CNIH3: variants seen among roughly 807,000 people sequenced by gnomAD.
CNIH3 encodes the protein cornichon family AMPA receptor auxiliary protein 3, also known as protein cornichon homolog 3.
CNIH3 carries 14 observed loss-of-function variants against 24.1 expected under a neutral mutation model. That is an observed-to-expected ratio of 0.58 (90% CI 0.38 to 0.91). The LOEUF is 0.91. CNIH3 is among the 40% of genes least tolerant of loss of function. The probability of loss-of-function intolerance (pLI) is 0.00; values close to 1 mark genes in which losing one functional copy is unlikely to be tolerated. For synonymous variants in CNIH3, 68 were observed against 73.8 expected (o/e 0.92, Z 0.40); for missense variants, 178 against 196.8 (o/e 0.90, Z 0.57).
chr1:224,477,602 T>G (rs954923926), intron 1 of CNIH3, among the ~76,000 whole-genome samples: 5 of 152,258 alleles, frequency 3.3e-5, no homozygotes, highest in African/African-American at 1.2e-4. Flanking sequence ...TGTTTATATT[T>G]TATTATACTG....
chr1:224,517,886 G>A (rs6682205), intron 1 of CNIH3, among the ~76,000 whole-genome samples: 17,987 of 152,198 alleles, frequency 0.12, 1,113 homozygotes, highest in Non-Finnish European at 0.14. Context: ...CCCAGTGGAG[G>A]TGTTAATGCT....
intron 3 of CNIH3, among the ~76,000 whole-genome samples, chr1:224,597,174 CAAAA>C (rs71725215): frequency 6.8e-6 from 1 of 146,886 alleles, no homozygotes; most frequent in African/African-American, 2.5e-5. Flanking sequence ...AACAAACAAA[CAAAA>C]AAAAAAACAA....
Position 224,704,810 on chromosome 1 carries a change from A to T in CNIH3, c.198+19967A>T, listed in dbSNP as rs970547367. 6.6e-6 allele frequency among the ~76,000 whole-genome samples: 1 copy of T among 152,102 alleles called. No individual in the cohort carries two copies. The highest frequency in any genetic ancestry group is 1.5e-5 in the Non-Finnish European group (1 of 68,018). On this transcript the variant is annotated intron_variant, in intron 3 of 5. Transcript: ENST00000272133. The surrounding 1 kb of genome is among the most constrained non-coding windows in gnomAD (Gnocchi z 4.2). The stretch of plus-strand genomic sequence containing the variant: ...TGTTGCTTTTTAAATTCAGGATCCA[A>T]TCAAAAATCACACATTGCACCAGGC...
intron 3 of CNIH3, among the ~76,000 whole-genome samples, chr1:224,551,993 G>A (rs12062991): frequency 0.26 from 39,652 of 150,806 alleles, 6,235 homozygotes; most frequent in African/African-American, 0.44. Flanking sequence ...AATATCACAC[G>A]GGTTGTACTC....
At position 224,674,272 on chromosome 1, in the gene CNIH3, G is replaced by GTTTTTTTTTT. The variant is rs71170028; in HGVS notation, c.82-6660_82-6651dup. Among the ~76,000 whole-genome samples, 40 of 72,070 alleles carry GTTTTTTTTTT rather than the reference G, an allele frequency of 5.6e-4. 1 individual carries two copies. The highest frequency in any genetic ancestry group is 9.7e-4 in the African/African-American group (18 of 18,652). 47.3% of individuals were successfully genotyped at this position (72,070 alleles called of 152,430 possible). Reference sequence around the variant, plus strand: ...AATCGTTTCTTCATCTTCCAGGAAGGTTTTTTTTTTTTTTTTTTTTTTTTT... The same window carrying GTTTTTTTTTT: ...AATCGTTTCTTCATCTTCCAGGAAGGTTTTTTTTTTTTTTTTTTTTTTTTTTTTTTTTTTT... On this transcript the variant is annotated intron_variant, in intron 1 of 5. Transcript: ENST00000272133.
At chr1:224,539,263 C>T (rs1558142530), downstream of CNIH3, among the ~76,000 whole-genome samples, 1 of 152,182 alleles carries the variant, frequency 6.6e-6, no homozygotes, top group Admixed American at 6.5e-5. Flanking sequence ...AGTCGTCTTC[C>T]ATTTCTTGTT....
upstream of CNIH3, among the ~76,000 whole-genome samples, chr1:224,512,354 C>T (rs779345396): frequency 6.6e-5 from 10 of 151,374 alleles, no homozygotes; most frequent in Non-Finnish European, 1.0e-4. Flanking sequence ...TGGTGGTGCA[C>T]GCCTGTAGTT....
In CNIH3 at chr1:224,735,436, GGGACTCTCACCT is replaced by G. The variant is rs570390461; in HGVS notation, c.455+732_455+743del. 2.0e-4 allele frequency among the ~76,000 whole-genome samples: 30 copies of G among 152,106 alleles called. No homozygotes were observed. The East Asian group carries it at 5.8e-3, about 29-fold the overall frequency. On this transcript the variant is annotated intron_variant, in intron 5 of 5. Transcript: ENST00000272133. ...CCTGCTCCTCTTTGGCTCATCTCTG[GGGACTCTCACCT>G]GTCACTTGCGATTCCATCATTACCT...
At chr1:224,496,477 C>CATCA (rs5781371) in intron 1 of CNIH3, among the ~76,000 whole-genome samples, 120,584 of 151,584 alleles carry the variant, frequency 0.8, 48,069 homozygotes, top group Middle Eastern at 0.9. Context: ...AAACTGAAGC[C>CATCA]TCCTGATTTT....
chr1:224,589,373 T>C (rs186295275), downstream of CNIH3, among the ~76,000 whole-genome samples: 390 of 152,274 alleles, frequency 2.6e-3, 1 homozygote, highest in Middle Eastern at 0.027. Context: ...TGAATCAAAA[T>C]AATGGTTTAG....
At chr1:224,434,817 C>T in exon 1 of CNIH3, 1 of 986,180 alleles carries the variant, frequency 1.0e-6, no homozygotes, top group Non-Finnish European at 1.2e-6. Context: ...GCGCTCGCGT[C>T]ACAGGAAATG....
intron 4 of CNIH3, among the ~76,000 whole-genome samples, chr1:224,577,222 G>A (rs6681385): frequency 2.0e-5 from 3 of 151,932 alleles, no homozygotes; most frequent in Non-Finnish European, 4.4e-5. Flanking sequence ...CTAATTAAAC[G>A]AGAAAGCTAC....
At chr1:224,558,875 A>G (rs17571353) in intron 3 of CNIH3, among the ~76,000 whole-genome samples, 11,172 of 152,298 alleles carry the variant, frequency 0.073, 465 homozygotes, top group South Asian at 0.11. Flanking sequence ...TATCATTTTC[A>G]GCTTTTTAAA....
intron 3 of CNIH3, among the ~76,000 whole-genome samples, chr1:224,721,430 A>G (rs912432725): frequency 6.6e-6 from 1 of 152,170 alleles, no homozygotes; most frequent in Non-Finnish European, 1.5e-5. Context: ...GTGGGAAGCT[A>G]CAAGTGTTAA....
intron 4 of CNIH3, among the ~76,000 whole-genome samples, chr1:224,569,745 G>A (rs947322410): frequency 2.0e-5 from 3 of 151,742 alleles, no homozygotes; most frequent in African/African-American, 4.8e-5. Flanking sequence ...TCTTATTGTG[G>A]TTTGTTCTTT....
chr1:224,512,328 A>T (rs1678188340), upstream of CNIH3, among the ~76,000 whole-genome samples: 1 of 151,700 alleles, frequency 6.6e-6, no homozygotes. Context: ...CAGAAAATTA[A>T]AAAATTAGCG....
intron 1 of CNIH3, among the ~76,000 whole-genome samples, chr1:224,627,545 G>A (rs1683599858): frequency 6.6e-6 from 1 of 152,192 alleles, no homozygotes; most frequent in Non-Finnish European, 1.5e-5. Context: ...TTCTTTTGAA[G>A]AAAAGAGGGA....
intron 3 of CNIH3, among the ~76,000 whole-genome samples, chr1:224,560,256 T>A (rs1680308872): frequency 6.6e-6 from 1 of 152,196 alleles, no homozygotes; most frequent in Non-Finnish European, 1.5e-5. Flanking sequence ...GGAGTGGAAT[T>A]TCTGGGTCAC....
chr1:224,581,973 G>T (rs1681292620), intron 4 of CNIH3, among the ~76,000 whole-genome samples: 1 of 152,116 alleles, frequency 6.6e-6, no homozygotes, highest in Non-Finnish European at 1.5e-5. Context: ...TGTGCGTGAG[G>T]TTGTAACATT....
Sources: allele counts gnomAD v4.1 joint callset (sites outside exome capture counted in the v4.1 genomes callset), GRCh38; gene constraint gnomAD v4.1.1; non-coding constraint Gnocchi (gnomAD v3.1); transcripts MANE v1.5; gene names NCBI Gene and HGNC (gene_info 2026-07-23, HGNC 2026-07-21).